The following TBL1Y variants were observed in gnomAD, a reference collection of about 807,000 sequenced individuals.
The protein encoded by TBL1Y is F-box-like/WD repeat-containing protein TBL1Y.
In TBL1Y, 15 loss-of-function variants were observed where a neutral mutation model predicts 12.0. That is an observed-to-expected ratio of 1.25 (90% CI 0.83 to 1.92). The LOEUF is 1.92. Ranked by LOEUF, TBL1Y falls within the 40% of genes most tolerant of loss-of-function variation. The pLI is 0.00. For missense variants in TBL1Y, 148 were observed against 116.7 expected (o/e 1.27, Z -1.24); for synonymous variants, 53 against 42.6 (o/e 1.24, Z -0.95).
At chrY:7,022,830 A>G in intron 5 of TBL1Y, among the ~76,000 whole-genome samples, 5 of 32,516 alleles carry the variant, frequency 1.5e-4, no homozygotes, top group Admixed American at 1.5e-3. Context: ...TCTGTTGAAC[A>G]TTCTGAGGAA....
At chrY:7,024,951 T>C in intron 5 of TBL1Y, 84 bp from the exon 6 acceptor site, 1 of 169,950 alleles carries the variant, frequency 5.9e-6, no homozygotes, top group East Asian at 1.1e-4. Flanking sequence ...ATAGCATAGA[T>C]AGTATTTTCT....
At chrY:6,924,397 G>A (rs2011809594) in intron 2 of TBL1Y, among the ~76,000 whole-genome samples, 1 of 31,691 alleles carries the variant, frequency 3.2e-5, no homozygotes, top group Non-Finnish European at 7.6e-5. Flanking sequence ...GACCATCCTG[G>A]CTAACACGGT....
At chrY:7,072,072 A>G in intron 12 of TBL1Y, among the ~76,000 whole-genome samples, 1 of 32,076 alleles carries the variant, frequency 3.1e-5, no homozygotes, top group East Asian at 8.5e-4. Flanking sequence ...GCAAATTTTT[A>G]TATTTTCAGT....
chrY:7,021,749 C>T (rs779669952), intron 5 of TBL1Y, among the ~76,000 whole-genome samples: 2 of 33,553 alleles, frequency 6.0e-5, no homozygotes, highest in South Asian at 6.6e-4. Context: ...ATGAGGAATT[C>T]GCCTTTTTAC....
intron 2 of TBL1Y, among the ~76,000 whole-genome samples, chrY:6,963,734 G>T: frequency 3.0e-5 from 1 of 33,746 alleles, no homozygotes; most frequent in African/African-American, 1.2e-4. Flanking sequence ...CTGCCGTGCT[G>T]CCTGCTGTGG....
chrY:6,954,113 C>T (rs2012051380), intron 2 of TBL1Y, among the ~76,000 whole-genome samples: 3 of 34,018 alleles, frequency 8.8e-5, no homozygotes, highest in Non-Finnish European at 2.2e-4. Context: ...TCAGGCTACT[C>T]GGGGGTCAGG....
At chrY:6,981,930 G>A (rs754215731) in intron 3 of TBL1Y, among the ~76,000 whole-genome samples, 2 of 33,356 alleles carry the variant, frequency 6.0e-5, no homozygotes, top group Admixed American at 2.8e-4. Context: ...AATGATTACT[G>A]CTCAGTAGTG....
chrY:7,040,772 C>T, intron 6 of TBL1Y, among the ~76,000 whole-genome samples: 5 of 34,241 alleles, frequency 1.5e-4, no homozygotes, highest in African/African-American at 4.5e-4. Flanking sequence ...CAGTGTTTGT[C>T]GTTCTATGTG....
At chrY:7,031,465 G>T (rs2012655549) in intron 6 of TBL1Y, among the ~76,000 whole-genome samples, 1 of 32,941 alleles carries the variant, frequency 3.0e-5, no homozygotes, top group South Asian at 6.9e-4. Flanking sequence ...TGTTGGCCTG[G>T]CGTTTCATGG....
intron 5 of TBL1Y, 68 bp downstream of exon 5, chrY:7,021,605 C>A (rs2012582399): frequency 3.0e-5 from 1 of 33,659 alleles, no homozygotes. Context: ...AGCAAAACTG[C>A]ATTTTGCCAA....
chrY:7,053,736 T>C (rs2012810791), intron 7 of TBL1Y, among the ~76,000 whole-genome samples: 1 of 33,930 alleles, frequency 2.9e-5, no homozygotes, highest in African/African-American at 1.2e-4. Flanking sequence ...GCAGGGCAGT[T>C]ATAACTTCCC....
At chrY:6,970,848 T>C (rs998201820) in intron 2 of TBL1Y, among the ~76,000 whole-genome samples, 2 of 34,434 alleles carry the variant, frequency 5.8e-5, no homozygotes, top group Non-Finnish European at 1.4e-4. Flanking sequence ...TCCAGTCCCC[T>C]ATAAGGCAAT....
chrY:7,000,455 C>T (rs2012440390), intron 4 of TBL1Y, among the ~76,000 whole-genome samples: 1 of 33,577 alleles, frequency 3.0e-5, no homozygotes, highest in Non-Finnish European at 7.3e-5. Context: ...GCATAGATTC[C>T]CCAGTGCTGA....
chrY:6,999,959 G>A (rs756588175), intron 4 of TBL1Y, among the ~76,000 whole-genome samples: 21 of 31,293 alleles, frequency 6.7e-4, no homozygotes, highest in Non-Finnish European at 1.5e-3. Context: ...TTTAACACTG[G>A]GTTCCTTTCA....
intron 4 of TBL1Y, among the ~76,000 whole-genome samples, chrY:7,006,245 G>A (rs936841706): frequency 5.9e-5 from 2 of 33,655 alleles, no homozygotes; most frequent in South Asian, 1.3e-3. Context: ...ATCAGGCTAA[G>A]TTTAAACTAG....
chrY:6,924,787 C>A, intron 2 of TBL1Y, among the ~76,000 whole-genome samples: 3 of 32,943 alleles, frequency 9.1e-5, no homozygotes, highest in Non-Finnish European at 2.2e-4. Flanking sequence ...CCATTTGGTT[C>A]ATTTGGGGGT....
chrY:7,052,740 A>G (rs974329420), intron 7 of TBL1Y, among the ~76,000 whole-genome samples: 6 of 34,217 alleles, frequency 1.8e-4, no homozygotes, highest in African/African-American at 5.7e-4. Flanking sequence ...AGAAAGGTAA[A>G]AAGACGTTTA....
chrY:7,027,412 A>G, intron 6 of TBL1Y, among the ~76,000 whole-genome samples: 4 of 33,783 alleles, frequency 1.2e-4, no homozygotes, highest in African/African-American at 4.6e-4. Flanking sequence ...GGCCGATTGC[A>G]GTGGCTCACG....
intron 4 of TBL1Y, among the ~76,000 whole-genome samples, chrY:7,017,884 A>G: frequency 3.0e-5 from 1 of 33,731 alleles, no homozygotes. Flanking sequence ...TCCAGACACA[A>G]CGACCAGTGA....
Sources: gnomAD v4.1 joint callset for allele counts (sites outside exome capture counted in the v4.1 genomes callset) on GRCh38, gnomAD v4.1.1 for gene constraint, MANE v1.5 for transcripts, NCBI Gene and HGNC (gene_info 2026-07-23, HGNC 2026-07-21) for gene names.